CR1: variants seen among roughly 807,000 people sequenced by gnomAD.
CR1 encodes the protein complement C3b/C4b receptor 1 (Knops blood group).
Under a neutral mutation model 187.3 loss-of-function variants are expected in CR1, and 116 were observed. The ratio of observed to expected loss-of-function variants is 0.62; its 90% CI spans 0.53 to 0.72. CR1 has a LOEUF of 0.72. CR1 is among the 30% of genes least tolerant of loss of function. The pLI is 0.00. For missense variants in CR1, 1,731 were observed against 2,110.7 expected (o/e 0.82, Z 3.52); for synonymous variants, 576 against 747.1 (o/e 0.77, Z 3.73).
chr1:207,503,259 C>T (rs4310446), intron 1 of CR1, among the ~76,000 whole-genome samples: 127,063 of 152,126 alleles, frequency 0.84, 53,312 homozygotes, highest in East Asian at 0.98. Context: ...CTCATAGCCA[C>T]TAAGTAGAAG....
intron 46 of CR1, among the ~76,000 whole-genome samples, chr1:207,638,948 T>C (rs1662897960): frequency 6.6e-6 from 1 of 152,178 alleles, no homozygotes; most frequent in South Asian, 2.1e-4. Flanking sequence ...ACAATTGTTG[T>C]ACTGTGGTAA....
chr1:207,600,260 G>T (rs1406420010), intron 35 of CR1, among the ~76,000 whole-genome samples: 2 of 152,062 alleles, frequency 1.3e-5, no homozygotes, highest in Non-Finnish European at 2.9e-5. Context: ...CAAAGTCAGA[G>T]AATTTTCTAA....
chr1:207,629,014 G>A (rs759934570), intron 45 of CR1, among the ~76,000 whole-genome samples: 7 of 151,920 alleles, frequency 4.6e-5, no homozygotes, highest in South Asian at 4.2e-4. Flanking sequence ...AAAAATATGC[G>A]CCTGCACGTT....
chr1:207,526,762 C>T lies in CR1; in HGVS notation c.896C>T (p.Pro299Leu). 6.6e-7 allele frequency: 1 copy of T among 1,521,148 alleles called. No individual in the cohort carries two copies. Among genetic ancestry groups the T allele is most frequent in the Non-Finnish European group, 8.7e-7 (1 of 1,145,516 alleles). The allele number at this position is 1,521,148 out of a possible 1,614,324, so 94.2% of individuals were successfully genotyped here. The change falls in exon 6 of 47, where the codon CCA becomes CTA. Residue 299 changes from proline to leucine, a missense_variant. Pro to Leu is a moderately conservative substitution (Grantham distance 98, BLOSUM62 -3). Around this residue, in one of 5 missense-constraint regions of CR1, gnomAD observed 131 missense variants for 196.8 expected, o/e 0.67. Transcript: ENST00000367049. ...ELPSCSRVCQ[P>L]PPDVLHAERT... ...GTTTCTCTCTCCCCAGTATGTCAGCCACCTCCAGATGTCCTGCATGCTGAG... is the reference window on the plus strand; with the variant it reads ...GTTTCTCTCTCCCCAGTATGTCAGCTACCTCCAGATGTCCTGCATGCTGAG...
At chr1:207,577,596 C>T (rs980739628) in intron 28 of CR1, among the ~76,000 whole-genome samples, 2 of 152,084 alleles carry the variant, frequency 1.3e-5, no homozygotes, top group African/African-American at 4.8e-5. Flanking sequence ...ATGGCCAAAC[C>T]CCATCTCTAC....
intron 1 of CR1, among the ~76,000 whole-genome samples, chr1:207,497,398 G>A (rs1659121585): frequency 2.0e-5 from 3 of 152,158 alleles, no homozygotes; most frequent in African/African-American, 7.2e-5. Context: ...CTCATTTGAA[G>A]TGACAGTCTT....
At chr1:207,565,460 T>C (rs1345895449) in intron 23 of CR1, among the ~76,000 whole-genome samples, 1 of 150,196 alleles carries the variant, frequency 6.7e-6, no homozygotes, top group Non-Finnish European at 1.5e-5. Flanking sequence ...TTACTTGCTG[T>C]TCCAGGGTCA....
intron 28 of CR1, among the ~76,000 whole-genome samples, chr1:207,576,426 T>C (rs1334962295): frequency 6.6e-6 from 1 of 152,238 alleles, no homozygotes; most frequent in East Asian, 1.9e-4. Flanking sequence ...TTATTACTTC[T>C]GAATCTGTAA....
At chr1:207,628,250 T>A (rs1441800357) in intron 45 of CR1, among the ~76,000 whole-genome samples, 1 of 152,158 alleles carries the variant, frequency 6.6e-6, no homozygotes, top group Non-Finnish European at 1.5e-5. Context: ...ATCTCCTGCC[T>A]TCTTGGTCTC....
chr1:207,603,292 A>G (rs1661657616), intron 35 of CR1, among the ~76,000 whole-genome samples: 1 of 152,180 alleles, frequency 6.6e-6, no homozygotes. Context: ...CATGTAAGAA[A>G]GATCATGCGG....
chr1:207,631,034 C>T (rs1487177659), intron 46 of CR1, among the ~76,000 whole-genome samples: 1 of 152,148 alleles, frequency 6.6e-6, no homozygotes, highest in Non-Finnish European at 1.5e-5. Flanking sequence ...CCACCAACCC[C>T]CTTGATTTCT....
At chr1:207,514,660 T>C (rs181872295) in intron 4 of CR1, among the ~76,000 whole-genome samples, 21 of 152,236 alleles carry the variant, frequency 1.4e-4, no homozygotes, top group Non-Finnish European at 2.6e-4. Flanking sequence ...GACTAAGACA[T>C]TGGGCAACCA....
intron 4 of CR1, among the ~76,000 whole-genome samples, chr1:207,512,531 C>A (rs1415996706): frequency 6.6e-6 from 1 of 152,216 alleles, no homozygotes; most frequent in Non-Finnish European, 1.5e-5. Context: ...CAGTGTATAA[C>A]ATCTTTGTCT....
chr1:207,506,946 T>C (rs1235071286), intron 3 of CR1, 133 bp downstream of exon 3: 1 of 686,330 alleles, frequency 1.5e-6, no homozygotes, highest in African/African-American at 1.8e-5. Flanking sequence ...AACACAGATG[T>C]TTAGCTCCTG....
At chr1:207,520,599 G>T (rs149506352) in intron 4 of CR1, among the ~76,000 whole-genome samples, 1,725 of 152,214 alleles carry the variant, frequency 0.011, 32 homozygotes, top group African/African-American at 0.039. Flanking sequence ...AATCTTTACT[G>T]CCATCTTGTG....
At chr1:207,572,978 G>A (rs1022426767) in intron 27 of CR1, among the ~76,000 whole-genome samples, 1 of 152,114 alleles carries the variant, frequency 6.6e-6, no homozygotes, top group African/African-American at 2.4e-5. Flanking sequence ...CACTGGATTA[G>A]GGCCTACTTT....
chr1:207,584,112 G>A (rs1002119735), intron 32 of CR1, among the ~76,000 whole-genome samples: 2 of 151,962 alleles, frequency 1.3e-5, no homozygotes, highest in Admixed American at 6.6e-5. Context: ...CATTGTGACA[G>A]CATTACTGCA....
intron 34 of CR1, among the ~76,000 whole-genome samples, chr1:207,588,304 G>A (rs900515545): frequency 6.6e-6 from 1 of 152,084 alleles, no homozygotes; most frequent in African/African-American, 2.4e-5. Flanking sequence ...CGAGTAACTG[G>A]GATTACAGGC....
intron 45 of CR1, among the ~76,000 whole-genome samples, chr1:207,626,430 T>A (rs766058724): frequency 6.6e-6 from 1 of 152,208 alleles, no homozygotes; most frequent in Non-Finnish European, 1.5e-5. Flanking sequence ...TGAGGAGGGC[T>A]GATTATTCCT....
Sources: gnomAD v4.1 joint callset for allele counts (sites outside exome capture counted in the v4.1 genomes callset) on GRCh38, gnomAD v4.1.1 for gene constraint, gnomAD v4.1.1 regional missense constraint, MANE v1.5 for transcripts, NCBI Gene and HGNC (gene_info 2026-07-23, HGNC 2026-07-21) for gene names.